The following SGMS1 variants were observed in gnomAD, a reference collection of about 807,000 sequenced individuals.
SGMS1 encodes the protein phosphatidylcholine:ceramide cholinephosphotransferase 1.
Under a neutral mutation model 46.2 loss-of-function variants are expected in SGMS1, and 13 were observed. That is an observed-to-expected ratio of 0.28 (90% CI 0.18 to 0.45). SGMS1 has a LOEUF of 0.45. Ranked by LOEUF, SGMS1 falls within the 20% of genes least tolerant of loss-of-function variation. The pLI is 1.00. For missense variants in SGMS1, 324 were observed against 519.9 expected (o/e 0.62, Z 3.66); for synonymous variants, 203 against 187.8 (o/e 1.08, Z -0.66).
intron 3 of SGMS1, among the ~76,000 whole-genome samples, chr10:50,512,357 G>A (rs751935098): frequency 6.6e-6 from 1 of 152,164 alleles, no homozygotes; most frequent in Non-Finnish European, 1.5e-5. Context: ...CTCTCTCTCT[G>A]TCTTCATGAC....
At chr10:50,426,520 G>C (rs903395745) in intron 6 of SGMS1, among the ~76,000 whole-genome samples, 1 of 152,178 alleles carries the variant, frequency 6.6e-6, no homozygotes, top group African/African-American at 2.4e-5. Context: ...GCAGCTCTCT[G>C]AGTTCACCTT....
At chr10:50,309,766 T>G (rs1350709044) in intron 9 of SGMS1, among the ~76,000 whole-genome samples, 1 of 152,168 alleles carries the variant, frequency 6.6e-6, no homozygotes, top group Non-Finnish European at 1.5e-5. Flanking sequence ...CTTCCTGTAT[T>G]TCCTTATCTT....
chr10:50,540,922 C>T lies in SGMS1; in HGVS notation c.-588-21001G>A, dbSNP rs117932868. ...TGAGTATGAATAGCAACTGCAGTCACCCAGGTGACTGGACCAGGAGGGTGG... is the reference window on the plus strand; with the variant it reads ...TGAGTATGAATAGCAACTGCAGTCATCCAGGTGACTGGACCAGGAGGGTGG... On this transcript the variant is annotated intron_variant, in intron 2 of 10. Coordinates refer to ENST00000361781, the MANE Select transcript of SGMS1 (RefSeq NM_147156.4). Among the ~76,000 whole-genome samples the T allele has an allele frequency of 1.7e-3, 265 of 152,242 alleles. 2 individuals carry two copies. Among genetic ancestry groups the T allele is most frequent in the Admixed American group, 1.7e-3 (26 of 15,290 alleles).
chr10:50,536,782 T>A (rs1281423629), intron 2 of SGMS1, among the ~76,000 whole-genome samples: 1 of 152,232 alleles, frequency 6.6e-6, no homozygotes, highest in Non-Finnish European at 1.5e-5. Context: ...ATGAAAAACA[T>A]GCTATAATCA....
At chr10:50,465,252 C>G (rs959118939) in intron 4 of SGMS1, among the ~76,000 whole-genome samples, 2 of 152,220 alleles carry the variant, frequency 1.3e-5, no homozygotes, top group East Asian at 1.9e-4. Context: ...AACAAATTTG[C>G]GGTCCATTTT....
chr10:50,483,045 C>A (rs936861349), intron 3 of SGMS1, among the ~76,000 whole-genome samples: 1 of 152,048 alleles, frequency 6.6e-6, no homozygotes, highest in African/African-American at 2.4e-5. Context: ...ACAGGAGCAC[C>A]CGAATTCATA....
chr10:50,384,815 T>C (rs1300812103), intron 6 of SGMS1, among the ~76,000 whole-genome samples: 2 of 152,146 alleles, frequency 1.3e-5, no homozygotes, highest in South Asian at 2.1e-4. Context: ...AACTGAGGCA[T>C]ACCCTTCACC....
intron 2 of SGMS1, among the ~76,000 whole-genome samples, chr10:50,542,510 T>TA (rs923877218): frequency 6.6e-6 from 1 of 151,122 alleles, no homozygotes; most frequent in African/African-American, 2.4e-5. Flanking sequence ...TATTTGCTCT[T>TA]AAAAAAAAGT....
chr10:50,412,858 A>G (rs928636677), intron 6 of SGMS1, among the ~76,000 whole-genome samples: 25 of 152,342 alleles, frequency 1.6e-4, no homozygotes, highest in African/African-American at 5.8e-4. Context: ...TTTTCCATGC[A>G]ACTTATGCCT....
chr10:50,575,620 C>A (rs79111114), intron 2 of SGMS1, among the ~76,000 whole-genome samples: 339 of 152,174 alleles, frequency 2.2e-3, no homozygotes, highest in African/African-American at 7.4e-3. Context: ...TCCCCCCACA[C>A]ACAAAGGACA....
rs1838626083 is a variant in SGMS1 at position 50,599,256 on chromosome 10, C to T, written c.-683-9009G>A. Among the ~76,000 whole-genome samples, 3 of 152,184 alleles carry T rather than the reference C, an allele frequency of 2.0e-5. No homozygotes were observed. The East Asian group carries it at 5.8e-4, about 29-fold the overall frequency. On this transcript the variant is annotated intron_variant, in intron 1 of 10. Transcript: ENST00000361781. ...GTAACAAAAAAGCTCCCATCAAAAA[C>T]TTGCATGTTGTCTGCATATCTTGGT...
intron 1 of SGMS1, among the ~76,000 whole-genome samples, chr10:50,608,387 A>C (rs897107735): frequency 1.3e-5 from 2 of 152,174 alleles, no homozygotes; most frequent in Non-Finnish European, 2.9e-5. Flanking sequence ...AAGAGAAATA[A>C]GAAAAAGAAA....
At chr10:50,610,269 AAGAT>A (rs1480811904) in intron 1 of SGMS1, among the ~76,000 whole-genome samples, 6 of 152,212 alleles carry the variant, frequency 3.9e-5, no homozygotes, top group South Asian at 4.1e-4. Context: ...TAAAAAGAGA[AAGAT>A]AGAAATATGA....
At chr10:50,439,282 C>G (rs1849512796) in intron 5 of SGMS1, among the ~76,000 whole-genome samples, 1 of 152,190 alleles carries the variant, frequency 6.6e-6, no homozygotes, top group South Asian at 2.1e-4. Flanking sequence ...ACAGAGTATA[C>G]AGCTAAAACT....
chr10:50,447,336 T>C (rs1341998283), intron 5 of SGMS1, among the ~76,000 whole-genome samples: 1 of 152,136 alleles, frequency 6.6e-6, no homozygotes, highest in East Asian at 1.9e-4. Flanking sequence ...GACTTCTAAG[T>C]CTAGTGGAAG....
Position 50,471,448 on chromosome 10 carries a change from C to T in SGMS1, c.-497-4516G>A, listed in dbSNP as rs540572548. The stretch of plus-strand genomic sequence containing the variant: ...AGCACAACATCAACCAACACAACCA[C>T]TTCCATGGTAGGGGCCAGACACAAT... On this transcript the variant is annotated intron_variant, in intron 3 of 10. Coordinates refer to ENST00000361781, the MANE Select transcript of SGMS1 (RefSeq NM_147156.4). Among the ~76,000 whole-genome samples, 152 of 152,310 alleles carry T rather than the reference C, an allele frequency of 1.0e-3. 3 individuals are homozygous for T. The highest frequency in any genetic ancestry group is 6.2e-4 in the South Asian group (3 of 4,830).
Position 50,455,331 on chromosome 10 carries a change from C to G in SGMS1, c.-313+5342G>C, listed in dbSNP as rs1472573995. 2.0e-5 allele frequency among the ~76,000 whole-genome samples: 3 copies of G among 152,186 alleles called. No individual in the cohort carries two copies. The South Asian group carries it at 6.2e-4, about 32-fold the overall frequency. Reference sequence around the variant, plus strand: ...CAAATTGGTCATAATTTACCCCTTTCCTGATGGAGAAAGCAAGAATTTTCT... The same window carrying G: ...CAAATTGGTCATAATTTACCCCTTTGCTGATGGAGAAAGCAAGAATTTTCT... On this transcript the variant is annotated intron_variant, in intron 5 of 10. Coordinates refer to ENST00000361781, the MANE Select transcript of SGMS1 (RefSeq NM_147156.4).
chr10:50,406,495 T>G (rs184190567), intron 6 of SGMS1, among the ~76,000 whole-genome samples: 59 of 152,296 alleles, frequency 3.9e-4, no homozygotes, highest in African/African-American at 1.4e-3. Flanking sequence ...GCAACTGCTC[T>G]GCCATGCAGT....
At chr10:50,347,910 C>T (rs150174799) in intron 6 of SGMS1, among the ~76,000 whole-genome samples, 127 of 152,282 alleles carry the variant, frequency 8.3e-4, no homozygotes, top group African/African-American at 2.6e-3. Context: ...TGTGCTGACA[C>T]GCAGGTTTGT....
Sources: gnomAD v4.1 joint callset for allele counts (sites outside exome capture counted in the v4.1 genomes callset) on GRCh38, gnomAD v4.1.1 for gene constraint, MANE v1.5 for transcripts, NCBI Gene and HGNC (gene_info 2026-07-23, HGNC 2026-07-21) for gene names.